The following FLT1 variants were observed in gnomAD, a reference collection of about 807,000 sequenced individuals.
FLT1 encodes fms related receptor tyrosine kinase 1, also known as vascular endothelial growth factor receptor 1.
A neutral mutation model predicts 156.3 loss-of-function variants in FLT1; 49 were observed. The ratio of observed to expected loss-of-function variants is 0.31; its 90% CI spans 0.25 to 0.40. The LOEUF (loss-of-function observed/expected upper bound fraction) is 0.40. Ranked by LOEUF, FLT1 falls within the 10% of genes least tolerant of loss-of-function variation. The pLI is 1.00. For missense variants in FLT1, 1,322 were observed against 1,637.2 expected, an observed-to-expected ratio of 0.81 and a Z score of 3.32; for synonymous variants, 594 against 583.8, an observed-to-expected ratio of 1.02 and a Z score of -0.25.
At chr13:28,491,868 C>T (rs1184680534) in intron 1 of FLT1, among the ~76,000 whole-genome samples, 3 of 152,090 alleles carry the variant, frequency 2.0e-5, no homozygotes, top group Admixed American at 6.6e-5. Context: ...ACTTGGTGAT[C>T]GTTAGAAAAG....
chr13:28,344,563 T>C (rs891715980), intron 16 of FLT1, among the ~76,000 whole-genome samples: 1 of 152,140 alleles, frequency 6.6e-6, no homozygotes, highest in Non-Finnish European at 1.5e-5. Context: ...CAGTAAATAT[T>C]TGAAGCATGA....
chr13:28,321,387 G>C (rs2296190), intron 23 of FLT1, 76 bp downstream of exon 23: 172,974 of 1,523,780 alleles, frequency 0.11, 10,423 homozygotes, highest in South Asian at 0.13. Context: ...AGCTGAGGAA[G>C]TGTAAATATT....
At chr13:28,362,849 G>A (rs1036378588) in intron 14 of FLT1, among the ~76,000 whole-genome samples, 1 of 152,088 alleles carries the variant, frequency 6.6e-6, no homozygotes, top group African/African-American at 2.4e-5. Flanking sequence ...GATGGGGTGA[G>A]AAGGTGTCCA....
chr13:28,368,935 C>T (rs1275439586), intron 14 of FLT1, among the ~76,000 whole-genome samples: 1 of 151,866 alleles, frequency 6.6e-6, no homozygotes, highest in Non-Finnish European at 1.5e-5. Flanking sequence ...CAACTCCTGA[C>T]CTCAGGTGAT....
intron 15 of FLT1, among the ~76,000 whole-genome samples, chr13:28,349,425 T>TACACACACACAC (rs34182100): frequency 4.4e-4 from 64 of 147,014 alleles, no homozygotes; most frequent in Middle Eastern, 7.0e-3. Flanking sequence ...GGCCTTGCTG[T>TACACACACACAC]ACACACACAC....
intron 1 of FLT1, among the ~76,000 whole-genome samples, chr13:28,473,202 C>T (rs577941365): frequency 7.9e-5 from 12 of 152,252 alleles, no homozygotes; most frequent in East Asian, 1.9e-4. Context: ...GGCAATTCCT[C>T]GATGGTTAAA....
chr13:28,416,986 T>C (rs574569872), intron 10 of FLT1, among the ~76,000 whole-genome samples: 1 of 152,280 alleles, frequency 6.6e-6, no homozygotes, highest in Admixed American at 6.5e-5. Context: ...TTTTCAGGCA[T>C]GGAGGGTAGA....
At chr13:28,320,856 G>A (rs896991668) in intron 23 of FLT1, among the ~76,000 whole-genome samples, 3 of 152,006 alleles carry the variant, frequency 2.0e-5, no homozygotes, top group African/African-American at 7.3e-5. Flanking sequence ...TAACCCTCAG[G>A]GTATATAGGC....
At chr13:28,336,598 A>G (rs575230764) in intron 17 of FLT1, among the ~76,000 whole-genome samples, 1 of 152,314 alleles carries the variant, frequency 6.6e-6, no homozygotes, top group African/African-American at 2.4e-5. Context: ...TCTGGCATTC[A>G]GGGCTGGTCT....
At position 28,431,324 on chromosome 13, in the gene FLT1, G is replaced by A. The variant is rs1418614125; in HGVS notation, c.814-14C>T. ...TCTCTTATTTTTCTAGAAAGAAAATGTATAACAAATGTAGAAGGAGTGAGT... is the reference window on the plus strand; with the variant it reads ...TCTCTTATTTTTCTAGAAAGAAAATATATAACAAATGTAGAAGGAGTGAGT... On this transcript the variant is annotated splice_polypyrimidine_tract_variant and intron_variant, in intron 6 of 29. Coordinates refer to ENST00000282397, the MANE Select transcript of FLT1 (RefSeq NM_002019.4). The A allele has an allele frequency of 1.9e-6, 3 of 1,598,946 alleles. No individual in the cohort carries two copies. Among genetic ancestry groups the A allele is most frequent in the African/African-American group, 1.3e-5 (1 of 74,636 alleles).
rs371969443 is a variant in FLT1, at chr13:28,405,761, G to C, written c.1551+19C>G. The C allele has an allele frequency of 8.0e-7, 1 of 1,244,900 alleles. No individual in the cohort carries two copies. 77.1% of individuals were successfully genotyped at this position (1,244,900 alleles called of 1,614,324 possible). The stretch of plus-strand genomic sequence containing the variant: ...ATTTGTGGAATAAATATCCCAGTGC[G>C]CATTTTTACAAACAATACCTTATTC... On this transcript the variant is annotated intron_variant, in intron 11 of 29. Coordinates refer to ENST00000282397, the MANE Select transcript of FLT1 (RefSeq NM_002019.4).
intron 20 of FLT1, among the ~76,000 whole-genome samples, chr13:28,326,397 T>C (rs1871678884): frequency 6.6e-6 from 1 of 152,106 alleles, no homozygotes; most frequent in African/African-American, 2.4e-5. Flanking sequence ...TACTGGTTAA[T>C]AATGTTGAAT....
chr13:28,348,064 G>A (rs1872623023), intron 15 of FLT1, among the ~76,000 whole-genome samples: 1 of 152,106 alleles, frequency 6.6e-6, no homozygotes, highest in South Asian at 2.1e-4. Context: ...AGTCTGGAGT[G>A]GAAACTGATA....
intron 20 of FLT1, among the ~76,000 whole-genome samples, chr13:28,325,911 G>A (rs1311885692): frequency 6.6e-6 from 1 of 151,454 alleles, no homozygotes; most frequent in Non-Finnish European, 1.5e-5. Flanking sequence ...CGGTCCGGTA[G>A]AACATCTCTG....
chr13:28,409,860 C>CT (rs548371737), intron 10 of FLT1, among the ~76,000 whole-genome samples: 7,085 of 143,864 alleles, frequency 0.049, 502 homozygotes, highest in African/African-American at 0.16. Context: ...GATTCCATGG[C>CT]TTTTTTTTTT....
At chr13:28,462,828 G>A (rs1879660457) in intron 3 of FLT1, among the ~76,000 whole-genome samples, 1 of 152,142 alleles carries the variant, frequency 6.6e-6, no homozygotes. Context: ...AGTGAACTCA[G>A]GACACCACCT....
At chr13:28,332,942 C>T (rs529827881) in intron 18 of FLT1, among the ~76,000 whole-genome samples, 4 of 152,304 alleles carry the variant, frequency 2.6e-5, no homozygotes, top group African/African-American at 4.8e-5. Flanking sequence ...TACCTGCCTT[C>T]GTCTGGGAAG....
intron 14 of FLT1, among the ~76,000 whole-genome samples, chr13:28,374,713 C>G (rs187203480): frequency 6.6e-6 from 1 of 152,158 alleles, no homozygotes; most frequent in East Asian, 1.9e-4. Context: ...CAGGGTTTCA[C>G]CGTGTTAGCC....
chr13:28,367,866 T>C (rs1873358746), intron 14 of FLT1, among the ~76,000 whole-genome samples: 2 of 152,202 alleles, frequency 1.3e-5, no homozygotes, highest in African/African-American at 4.8e-5. Context: ...AAACTCTCTT[T>C]TTTATTCATC....
Sources: allele counts gnomAD v4.1 joint callset (sites outside exome capture counted in the v4.1 genomes callset), GRCh38; gene constraint gnomAD v4.1.1; transcripts MANE v1.5; gene names NCBI Gene and HGNC (gene_info 2026-07-23, HGNC 2026-07-21).